The following PBX1 variants were observed in gnomAD, a reference collection of about 807,000 sequenced individuals.
PBX1 encodes PBX homeobox 1, also known as pre-B-cell leukemia transcription factor 1.
Under a neutral mutation model 53.4 loss-of-function variants are expected in PBX1, and 6 were observed. The observed-to-expected ratio is 0.11, with a 90% CI of 0.06 to 0.22. PBX1 has a LOEUF of 0.22. Ranked by LOEUF, PBX1 falls within the 10% of genes least tolerant of loss-of-function variation. PBX1 has a pLI of 1.00. For synonymous variants in PBX1, 204 were observed against 212.3 expected, an observed-to-expected ratio of 0.96 and a Z score of 0.34; for missense variants, 251 against 551.4, an observed-to-expected ratio of 0.46 and a Z score of 5.46.
chr1:164,780,248 G>T (rs1161039602), intron 2 of PBX1, among the ~76,000 whole-genome samples: 1 of 152,164 alleles, frequency 6.6e-6, no homozygotes, highest in Non-Finnish European at 1.5e-5. Context: ...AAAAAAGCCC[G>T]TCTGAAAATC....
intron 2 of PBX1, among the ~76,000 whole-genome samples, chr1:164,628,814 G>A (rs1022599456): frequency 1.3e-5 from 2 of 152,114 alleles, no homozygotes; most frequent in African/African-American, 2.4e-5. Flanking sequence ...TTACTCACGA[G>A]TGAGCTATAC....
chr1:164,804,354 A>C (rs930980343), intron 4 of PBX1, among the ~76,000 whole-genome samples: 1 of 152,188 alleles, frequency 6.6e-6, no homozygotes, highest in African/African-American at 2.4e-5. Flanking sequence ...CCAGAGCTAC[A>C]ATCTTTTTCC....
At position 164,848,349 on chromosome 1, in the gene PBX1, T is replaced by C; in HGVS notation, c.*1673T>C. ...TGGTCAAATATTTTGGTGCCTCATTTTCTTCATCTGTGAGATGGGAACTGT... is the reference window on the plus strand; with the variant it reads ...TGGTCAAATATTTTGGTGCCTCATTCTCTTCATCTGTGAGATGGGAACTGT... On this transcript the variant is annotated 3_prime_UTR_variant, in exon 9 of 9. Transcript: ENST00000420696. The C allele has an allele frequency of 9.5e-7, 1 of 1,057,492 alleles. No homozygotes were observed. The highest frequency in any genetic ancestry group is 1.1e-6 in the Non-Finnish European group (1 of 874,424). 65.5% of individuals were successfully genotyped at this position (1,057,492 alleles called of 1,614,324 possible). A position where few individuals can be genotyped will look rare whatever the true frequency, so the allele number is the denominator to read the frequency against.
At position 164,881,332 on chromosome 1, in the gene PBX1, A is replaced by AGAAG. The variant is rs10615739; in HGVS notation, n.258-17829_258-17826dup. Among the ~76,000 whole-genome samples, 464 of 103,982 alleles carry AGAAG rather than the reference A, an allele frequency of 4.5e-3. 17 individuals carry two copies. The highest frequency in any genetic ancestry group is 0.016 in the African/African-American group (410 of 25,016). The allele number at this position is 103,982 out of a possible 152,430, so 68.2% of individuals were successfully genotyped here. ...AGGAAGGAAGGAAGGAAGGAGGAAAAGAAGGAAGGAAGGAAGGAAGGAAGG... is the reference window on the plus strand; with the variant it reads ...AGGAAGGAAGGAAGGAAGGAGGAAAAGAAGGAAGGAAGGAAGGAAGGAAGGAAGG... On this transcript the variant is annotated intron_variant and non_coding_transcript_variant, in intron 2 of 2. Transcript: ENST00000558796.
intron 2 of PBX1, among the ~76,000 whole-genome samples, chr1:164,654,838 C>T (rs1274625234): frequency 6.6e-6 from 1 of 152,164 alleles, no homozygotes; most frequent in Non-Finnish European, 1.5e-5. Flanking sequence ...CAGCATTTAT[C>T]GAACTGGGTA....
At chr1:164,639,059 C>T (rs754164832) in intron 2 of PBX1, among the ~76,000 whole-genome samples, 4 of 152,160 alleles carry the variant, frequency 2.6e-5, no homozygotes, top group Non-Finnish European at 5.9e-5. Flanking sequence ...TTCTACCTAC[C>T]AGCAGTGTGG....
chr1:164,870,209 T>TC (rs1672317491), intron 2 of PBX1, among the ~76,000 whole-genome samples: 3 of 123,010 alleles, frequency 2.4e-5, no homozygotes, highest in Admixed American at 1.7e-4. Flanking sequence ...TCTTTCTTTC[T>TC]TTTCTTTCTT....
At chr1:164,723,565 A>G (rs1339361264) in intron 2 of PBX1, among the ~76,000 whole-genome samples, 1 of 152,206 alleles carries the variant, frequency 6.6e-6, no homozygotes, top group African/African-American at 2.4e-5. Flanking sequence ...GGTTGTGTGC[A>G]TGGTGGAAGG....
At chr1:164,752,206 T>TTTTG (rs1553240571) in intron 2 of PBX1, among the ~76,000 whole-genome samples, 11 of 143,026 alleles carry the variant, frequency 7.7e-5, no homozygotes, top group Non-Finnish European at 1.5e-4. Flanking sequence ...CTTTAAGGTT[T>TTTTG]TGTGTGTGTG....
chr1:164,587,751 C>A (rs1557875924), intron 2 of PBX1, among the ~76,000 whole-genome samples: 1 of 152,208 alleles, frequency 6.6e-6, no homozygotes, highest in East Asian at 1.9e-4. Context: ...CACACAGACA[C>A]AGAGTTCTCA....
chr1:164,845,689 T>G, intron 8 of PBX1, among the ~76,000 whole-genome samples: 1 of 152,204 alleles, frequency 6.6e-6, no homozygotes, highest in East Asian at 1.9e-4. Context: ...AGAACAGTTT[T>G]AACAGTTTTA....
At chr1:164,594,317 G>A (rs1241543918) in intron 2 of PBX1, among the ~76,000 whole-genome samples, 3 of 151,870 alleles carry the variant, frequency 2.0e-5, no homozygotes, top group Admixed American at 6.6e-5. Context: ...TTTTTGAGAC[G>A]GAGTCTTGCT....
chr1:164,582,386 C>T (rs79501979), intron 2 of PBX1, among the ~76,000 whole-genome samples: 1 of 151,582 alleles, frequency 6.6e-6, no homozygotes, highest in Non-Finnish European at 1.5e-5. Context: ...GATTTTTTTC[C>T]TGGTACTGGA....
intron 2 of PBX1, among the ~76,000 whole-genome samples, chr1:164,595,851 G>A (rs1038676504): frequency 3.2e-4 from 48 of 152,172 alleles, no homozygotes; most frequent in African/African-American, 1.1e-3. Context: ...CCCAGCCTGG[G>A]CTAGCTAGGA....
intron 8 of PBX1, among the ~76,000 whole-genome samples, chr1:164,825,560 A>T (rs1425071899): frequency 2.6e-5 from 4 of 152,222 alleles, no homozygotes; most frequent in Non-Finnish European, 5.9e-5. Context: ...TTAAATGCTT[A>T]TCCACAATTA....
chr1:164,607,322 A>G (rs78740352), intron 2 of PBX1, among the ~76,000 whole-genome samples: 2,473 of 152,316 alleles, frequency 0.016, 32 homozygotes, highest in Middle Eastern at 0.058. Flanking sequence ...AGTGGGATGA[A>G]TGAGTTTAAA....
chr1:164,712,636 A>G (rs566611589), intron 2 of PBX1, among the ~76,000 whole-genome samples: 14 of 152,120 alleles, frequency 9.2e-5, no homozygotes, highest in Admixed American at 7.2e-4. Flanking sequence ...GTGGAGGGGG[A>G]TGTTAATCAC....
intron 2 of PBX1, among the ~76,000 whole-genome samples, chr1:164,724,358 T>A (rs968894743): frequency 6.6e-6 from 1 of 152,220 alleles, no homozygotes; most frequent in Admixed American, 6.5e-5. Context: ...AAATGACTTC[T>A]CTAGCCAGGC....
rs566637200 is a variant in PBX1, at chr1:164,768,518, A to C, written c.266-23976A>C. Among the ~76,000 whole-genome samples the C allele has an allele frequency of 8.5e-5, 13 of 152,308 alleles. No individual in the cohort carries two copies. In the South Asian group the frequency reaches 2.7e-3, roughly 32 times the overall value. On this transcript the variant is annotated intron_variant, in intron 2 of 8. Coordinates refer to ENST00000420696, the MANE Select transcript of PBX1 (RefSeq NM_002585.4). ...TTTATAACTTTGCTTTTGCTCCCTT[A>C]AATGTTTCGGAAATGTGACTTGGAT... is the stretch of plus-strand genomic sequence containing the variant.
Sources: allele counts gnomAD v4.1 joint callset (sites outside exome capture counted in the v4.1 genomes callset), GRCh38; gene constraint gnomAD v4.1.1; transcripts MANE v1.5; gene names NCBI Gene and HGNC (gene_info 2026-07-23, HGNC 2026-07-21).